The following RAB7A variants were observed in gnomAD, a reference collection of about 807,000 sequenced individuals.
RAB7A encodes the protein ras-related protein Rab-7a.
Under a neutral mutation model 24.5 loss-of-function variants are expected in RAB7A, and 2 were observed. That is an observed-to-expected ratio of 0.08 (90% CI 0.03 to 0.26). RAB7A has a LOEUF of 0.26. RAB7A is among the 10% of genes least tolerant of loss of function. The pLI is 1.00. For synonymous variants in RAB7A, 100 were observed against 95.9 expected, an observed-to-expected ratio of 1.04 and a Z score of -0.25; for missense variants, 118 against 255.7, an observed-to-expected ratio of 0.46 and a Z score of 3.67.
intron 1 of RAB7A, among the ~76,000 whole-genome samples, chr3:128,778,210 C>T (rs1223818443): frequency 6.6e-6 from 1 of 152,154 alleles, no homozygotes; most frequent in Non-Finnish European, 1.5e-5. Flanking sequence ...GGCTGAGAGA[C>T]TGTATTTGAG....
At chr3:128,763,222 T>A (rs955132702) in intron 1 of RAB7A, among the ~76,000 whole-genome samples, 50 of 131,612 alleles carry the variant, frequency 3.8e-4, no homozygotes, top group Non-Finnish European at 6.2e-4. Flanking sequence ...TTTTTTTTTT[T>A]TTTTTTTTTT....
At chr3:128,757,881 A>C (rs967145222) in intron 1 of RAB7A, among the ~76,000 whole-genome samples, 1 of 151,950 alleles carries the variant, frequency 6.6e-6, no homozygotes, top group Admixed American at 6.5e-5. Context: ...CTGGTCTCCA[A>C]CTCCTGGGCT....
At chr3:128,768,548 GTGTTT>G (rs141242223) in intron 1 of RAB7A, among the ~76,000 whole-genome samples, 101 of 152,058 alleles carry the variant, frequency 6.6e-4, no homozygotes, top group East Asian at 2.7e-3. Flanking sequence ...TAAAGTGTGC[GTGTTT>G]TGTTTTGTTT....
intron 1 of RAB7A, among the ~76,000 whole-genome samples, chr3:128,779,803 T>C (rs893644114): frequency 6.6e-6 from 1 of 152,154 alleles, no homozygotes; most frequent in Non-Finnish European, 1.5e-5. Context: ...CCCAGGCTGG[T>C]CTCGAAACTC....
intron 1 of RAB7A, among the ~76,000 whole-genome samples, chr3:128,744,498 A>G (rs1165085223): frequency 6.6e-6 from 1 of 152,192 alleles, no homozygotes; most frequent in East Asian, 1.9e-4. Flanking sequence ...ACTACATTCC[A>G]CTGTAATAAA....
At chr3:128,800,743 G>C (rs772570752) in intron 3 of RAB7A, among the ~76,000 whole-genome samples, 84 of 152,322 alleles carry the variant, frequency 5.5e-4, no homozygotes, top group South Asian at 2.1e-4. Context: ...TTCTGTCTCT[G>C]CTGAAATAAC....
chr3:128,746,464 C>T (rs1276823066), intron 1 of RAB7A, among the ~76,000 whole-genome samples: 1 of 151,762 alleles, frequency 6.6e-6, no homozygotes, highest in Non-Finnish European at 1.5e-5. Context: ...GAGATGCGGT[C>T]TCACTGTATT....
At chr3:128,756,491 A>G (rs889816852) in intron 1 of RAB7A, among the ~76,000 whole-genome samples, 5 of 152,210 alleles carry the variant, frequency 3.3e-5, no homozygotes, top group African/African-American at 1.2e-4. Flanking sequence ...GCTACAAAAC[A>G]TTGCAAAAAG....
intron 1 of RAB7A, among the ~76,000 whole-genome samples, chr3:128,777,359 A>G (rs1205354309): frequency 6.6e-6 from 1 of 151,830 alleles, no homozygotes; most frequent in African/African-American, 2.4e-5. Context: ...ACACTTGGCT[A>G]AGGTTTTCTT....
chr3:128,734,849 T>C (rs1487349420), intron 1 of RAB7A, among the ~76,000 whole-genome samples: 5 of 152,238 alleles, frequency 3.3e-5, no homozygotes, highest in African/African-American at 1.2e-4. Context: ...GAAATAATAT[T>C]ACATGACTTT....
intron 1 of RAB7A, among the ~76,000 whole-genome samples, chr3:128,783,723 C>T (rs781155203): frequency 1.6e-4 from 24 of 152,216 alleles, no homozygotes; most frequent in Non-Finnish European, 2.9e-4. Flanking sequence ...TGTACCTGAA[C>T]CATCAATCTT....
chr3:128,741,253 G>A (rs1317312601), intron 1 of RAB7A, among the ~76,000 whole-genome samples: 1 of 151,832 alleles, frequency 6.6e-6, no homozygotes, highest in Non-Finnish European at 1.5e-5. Context: ...GTATCTCTTG[G>A]TCTTGTTTGG....
In RAB7A at chr3:128,811,067, A is replaced by G. The variant is rs1559798702; in HGVS notation, c.529-2260A>G. Among the ~76,000 whole-genome samples the G allele has an allele frequency of 2.0e-5, 3 of 151,888 alleles. No individual in the cohort carries two copies. In the South Asian group the frequency reaches 6.2e-4, roughly 32 times the overall value. On this transcript the variant is annotated intron_variant, in intron 5 of 5. Coordinates refer to ENST00000265062, the MANE Select transcript of RAB7A (RefSeq NM_004637.6). ...GAAACTCCATCTCAAAAAAAAAAAC[A>G]AAACATTCCACCCATGATACTATTT...
At chr3:128,740,027 T>C (rs1422312529) in intron 1 of RAB7A, among the ~76,000 whole-genome samples, 2 of 148,262 alleles carry the variant, frequency 1.3e-5, no homozygotes, top group African/African-American at 5.0e-5. Context: ...GATTGTGCCA[T>C]TGCACTCCAG....
In RAB7A at chr3:128,811,931, T is replaced by G. The variant is rs189225639; in HGVS notation, c.529-1396T>G. Among the ~76,000 whole-genome samples, 709 of 151,888 alleles carry G rather than the reference T, an allele frequency of 4.7e-3. 5 individuals carry two copies. The highest frequency in any genetic ancestry group is 0.026 in the South Asian group (126 of 4,800). On this transcript the variant is annotated intron_variant, in intron 5 of 5. Transcript: ENST00000265062. ...AAATAAATAATGTTTAAAAATTAAG[T>G]GTCCAGAATAATAGGCAACTCTATT...
In RAB7A at chr3:128,806,557, G is replaced by T. The variant is rs1285299585; in HGVS notation, c.366G>T (p.Val122=). The change falls in exon 4 of 6, where the codon GTG becomes GTT. Residue 122 remains valine (V), a synonymous_variant. Transcript: ENST00000265062. ...PRDPENFPFV[V]LGNKIDLENR... ...ATCCTGAAAACTTCCCATTTGTTGT[G>T]TTGGGAAACAAGATTGACCTCGAAA... 1 of 1,614,142 alleles carries T rather than the reference G, an allele frequency of 6.2e-7. No individual in the cohort carries two copies. Among genetic ancestry groups the T allele is most frequent in the East Asian group, 2.2e-5 (1 of 44,884 alleles).
At chr3:128,753,951 G>T (rs2070708829) in intron 1 of RAB7A, among the ~76,000 whole-genome samples, 1 of 151,876 alleles carries the variant, frequency 6.6e-6, no homozygotes, top group African/African-American at 2.4e-5. Flanking sequence ...TTGCATTGGG[G>T]ATTAAGTTTC....
chr3:128,746,573 G>A (rs1176040706), intron 1 of RAB7A, among the ~76,000 whole-genome samples: 1 of 151,494 alleles, frequency 6.6e-6, no homozygotes, highest in African/African-American at 2.4e-5. Context: ...CTGTCTCCCA[G>A]GCTGGAGTGC....
chr3:128,774,610 G>A (rs1456110563), intron 1 of RAB7A, among the ~76,000 whole-genome samples: 1 of 152,154 alleles, frequency 6.6e-6, no homozygotes, highest in East Asian at 1.9e-4. Context: ...GTCTCGCTCT[G>A]TTGCCCAGGC....
Sources: allele counts gnomAD v4.1 joint callset (sites outside exome capture counted in the v4.1 genomes callset), GRCh38; gene constraint gnomAD v4.1.1; transcripts MANE v1.5; gene names NCBI Gene and HGNC (gene_info 2026-07-23, HGNC 2026-07-21).